The following GREB1 variants were observed in gnomAD, a reference collection of about 807,000 sequenced individuals.
GREB1 encodes growth regulating estrogen receptor binding 1, also known as protein GREB1.
GREB1 carries 106 observed loss-of-function variants against 200.7 expected under a neutral mutation model. That is an observed-to-expected ratio of 0.53 (90% CI 0.45 to 0.62). The LOEUF (loss-of-function observed/expected upper bound fraction) is 0.62, where lower values mean the gene tolerates loss of function less well. GREB1 is among the 20% of genes least tolerant of loss of function. GREB1 has a pLI of 0.00. For missense variants in GREB1, 2,243 were observed against 2,556.8 expected (o/e 0.88, Z 2.65); for synonymous variants, 1,132 against 1,092.4 (o/e 1.04, Z -0.72).
chr2:11,600,301 C>T (rs769586501), intron 15 of GREB1, among the ~76,000 whole-genome samples: 7 of 152,030 alleles, frequency 4.6e-5, no homozygotes, highest in Admixed American at 3.3e-4. Flanking sequence ...CTTTGTCCCA[C>T]GGAAAAGTGC....
intron 1 of GREB1, among the ~76,000 whole-genome samples, chr2:11,488,504 A>G (rs1357020667): frequency 6.6e-6 from 1 of 152,104 alleles, no homozygotes; most frequent in East Asian, 1.9e-4. Flanking sequence ...AAGATTTGGG[A>G]AAGAGGCCGG....
rs144948047 is a variant in GREB1, at chr2:11,523,316, A to G, written c.-158-33141A>G. On this transcript the variant is annotated intron_variant, in intron 1 of 2. Transcript: ENST00000628795. ...ACCCGGGTGATGAAACAATCTGTGCAAAACCCCCCCCATGACATGAGTTTA... is the reference window on the plus strand; with the variant it reads ...ACCCGGGTGATGAAACAATCTGTGCGAAACCCCCCCCATGACATGAGTTTA... Among the ~76,000 whole-genome samples the G allele has an allele frequency of 4.7e-3, 712 of 152,174 alleles. 3 individuals are homozygous for G. The highest frequency in any genetic ancestry group is 0.017 in the African/African-American group (689 of 41,468).
At chr2:11,598,066 TAG>T in intron 14 of GREB1, 88 bp downstream of exon 14, 2 of 920,658 alleles carry the variant, frequency 2.2e-6, no homozygotes, top group Non-Finnish European at 1.8e-6. Flanking sequence ...TTCTTTGCTA[TAG>T]AGTGAATAGG....
intron 1 of GREB1, among the ~76,000 whole-genome samples, chr2:11,518,772 A>G (rs1572579623): frequency 6.6e-6 from 1 of 151,788 alleles, no homozygotes; most frequent in East Asian, 1.9e-4. Context: ...GAAAAAGCGC[A>G]TATGCATAAA....
At position 11,580,921 on chromosome 2, in the gene GREB1, G is replaced by A. The variant is rs551258797; in HGVS notation, c.901+89G>A. The A allele has an allele frequency of 2.3e-5, 35 of 1,515,380 alleles. No homozygotes were observed. The highest frequency in any genetic ancestry group is 1.4e-4 in the African/African-American group (10 of 72,936). The allele number at this position is 1,515,380 out of a possible 1,614,324, so 93.9% of individuals were successfully genotyped here. A position where few individuals can be genotyped will look rare whatever the true frequency, so the allele number is the denominator to read the frequency against. ...GCATGGGAGCTGCTGGGCTGGGGCC[G>A]CTGAGCCTCCTGGAGTCTGATGTGG... On this transcript the variant is annotated intron_variant, in intron 7 of 32. Coordinates refer to ENST00000381486, the MANE Select transcript of GREB1 (RefSeq NM_014668.4). The surrounding 1 kb of genome is among the most constrained non-coding windows in gnomAD (Gnocchi z 4.5).
intron 1 of GREB1, among the ~76,000 whole-genome samples, chr2:11,502,732 T>C (rs1572557993): frequency 6.6e-6 from 1 of 152,222 alleles, no homozygotes; most frequent in East Asian, 1.9e-4. Flanking sequence ...ACCTCAGATA[T>C]TGTACCAAGT....
chr2:11,558,249 C>A (rs6728828), intron 2 of GREB1, among the ~76,000 whole-genome samples: 7 of 152,038 alleles, frequency 4.6e-5, no homozygotes, highest in Admixed American at 6.6e-5. Context: ...CTGCCCACAG[C>A]GGGAGAGAGG....
intron 24 of GREB1, 50 bp downstream of exon 24, chr2:11,625,362 C>T: frequency 4.5e-6 from 7 of 1,558,568 alleles, no homozygotes; most frequent in Non-Finnish European, 6.2e-6. Context: ...TGGGCACAGC[C>T]TCTTAAAGGG....
At chr2:11,562,296 G>A (rs1386481066) in intron 2 of GREB1, among the ~76,000 whole-genome samples, 167 bp from the exon 3 acceptor site, 4 of 152,208 alleles carry the variant, frequency 2.6e-5, no homozygotes, top group African/African-American at 4.8e-5. Flanking sequence ...TTTCGAACTA[G>A]CTAGACGTGC....
chr2:11,636,767 GGGGCAGGGGCAGGGGCAC>G (rs1233746746), intron 30 of GREB1, among the ~76,000 whole-genome samples: 2 of 87,136 alleles, frequency 2.3e-5, no homozygotes, highest in African/African-American at 7.0e-5. Flanking sequence ...GGCAAGGGCA[GGGGCAGGGGCAGGGGCAC>G]GGGCATGGGC....
Position 11,493,138 on chromosome 2 carries a change from C to A in GREB1, c.-159+10757C>A, listed in dbSNP as rs1672806775. On this transcript the variant is annotated intron_variant, in intron 1 of 2. Coordinates refer to the GREB1 transcript ENST00000628795. The surrounding 1 kb of genome is among the most constrained non-coding windows in gnomAD (Gnocchi z 4.6). ...ATTTTCAACTTGGTTAAACAATAAGCCTCCACTTCATGTTGTCCATAGGCT... is the reference window on the plus strand; with the variant it reads ...ATTTTCAACTTGGTTAAACAATAAGACTCCACTTCATGTTGTCCATAGGCT... 6.6e-6 allele frequency among the ~76,000 whole-genome samples: 1 copy of A among 152,196 alleles called. No individual in the cohort carries two copies. The highest frequency in any genetic ancestry group is 2.4e-5 in the African/African-American group (1 of 41,444).
At position 11,597,800 on chromosome 2, in the gene GREB1, C is replaced by G. The variant is rs752817512; in HGVS notation, c.1974C>G (p.His658Gln). The change falls in exon 14 of 33, where the codon CAC becomes CAG. Residue 658 changes from histidine (H) to glutamine (Q), a missense_variant. Physicochemically the swap from His to Gln is conservative, Grantham distance 24. Transcript: ENST00000381486. The surrounding 1 kb of genome is among the most constrained non-coding windows in gnomAD (Gnocchi z 4.1). The stretch of plus-strand genomic sequence containing the variant: ...TTCCAGGTTACAATCTGGAGCCACA[C>G]AGCATCCGGCCCTTCCAGCTGGCAG... ...PVCTSYNLEPHSIRPFQLAVA... is the reference protein window; with the variant it reads ...PVCTSYNLEPQSIRPFQLAVA... 6.2e-7 allele frequency: 1 copy of G among 1,614,146 alleles called. No individual in the cohort carries two copies.
chr2:11,516,218 C>A (rs1006275146), intron 1 of GREB1, among the ~76,000 whole-genome samples: 2 of 152,094 alleles, frequency 1.3e-5, no homozygotes, highest in African/African-American at 4.8e-5. Flanking sequence ...AGTCCAGTTT[C>A]TCCTCAACTC....
chr2:11,524,431 G>GA (rs1673805723), intron 1 of GREB1, among the ~76,000 whole-genome samples: 1 of 152,200 alleles, frequency 6.6e-6, no homozygotes, highest in Admixed American at 6.5e-5. Context: ...GTTTGAGGGT[G>GA]AAATGAAGTG....
In GREB1 at chr2:11,595,382, A is replaced by G. The variant is rs1276564298; in HGVS notation, c.1825+3A>G. 6.2e-7 allele frequency: 1 copy of G among 1,612,588 alleles called. No homozygotes were observed. The highest frequency in any genetic ancestry group is 8.5e-7 in the Non-Finnish European group (1 of 1,179,048). On this transcript the variant is annotated splice_donor_region_variant and intron_variant, in intron 12 of 32. Coordinates refer to ENST00000381486, the MANE Select transcript of GREB1 (RefSeq NM_014668.4). ...CTTCTTTAGCACCCTCTGTCCAGGT[A>G]GGCTTGTCGTGAGACAGGTGCACAT...
Position 11,633,742 on chromosome 2 carries a change from C to A in GREB1, c.4992-389C>A, listed in dbSNP as rs528150339. Among the ~76,000 whole-genome samples, 13 of 152,272 alleles carry A rather than the reference C, an allele frequency of 8.5e-5. No individual in the cohort carries two copies. The highest frequency in any genetic ancestry group is 3.1e-4 in the African/African-American group (13 of 41,550). The stretch of plus-strand genomic sequence containing the variant: ...TAAGAAAGGGACATTGCTGCCCCCC[C>A]AGAAACTCCCTTCCTGCTGCCCCAG... On this transcript the variant is annotated intron_variant, in intron 28 of 32. Coordinates refer to ENST00000381486, the MANE Select transcript of GREB1 (RefSeq NM_014668.4). The surrounding 1 kb of genome is among the most constrained non-coding windows in gnomAD (Gnocchi z 4.1).
chr2:11,540,630 GACAA>G (rs924517666), intron 1 of GREB1: 3 of 154,508 alleles, frequency 1.9e-5, no homozygotes, highest in Admixed American at 6.5e-5. Context: ...GAGTTGGAGA[GACAA>G]ACAAATTAGA....
intron 1 of GREB1, among the ~76,000 whole-genome samples, chr2:11,500,984 C>T (rs943196683): frequency 6.6e-6 from 1 of 152,156 alleles, no homozygotes; most frequent in Non-Finnish European, 1.5e-5. Context: ...CCAGTTCAAG[C>T]TATGATGTGA....
chr2:11,567,244 C>T (rs1008587263), intron 4 of GREB1, among the ~76,000 whole-genome samples: 1 of 152,176 alleles, frequency 6.6e-6, no homozygotes, highest in African/African-American at 2.4e-5. Flanking sequence ...CCTGCCTCAG[C>T]CAACCAAATA....
Sources: allele counts gnomAD v4.1 joint callset (sites outside exome capture counted in the v4.1 genomes callset), GRCh38; gene constraint gnomAD v4.1.1; non-coding constraint Gnocchi (gnomAD v3.1); transcripts MANE v1.5; gene names NCBI Gene and HGNC (gene_info 2026-07-23, HGNC 2026-07-21).